Variants in DPP6 observed in about 807,000 individuals in gnomAD.
DPP6 encodes dipeptidyl peptidase like 6.
In DPP6, 69 loss-of-function variants were observed where a neutral mutation model predicts 122.6. The observed-to-expected ratio is 0.56, with a 90% CI of 0.46 to 0.69. The LOEUF (loss-of-function observed/expected upper bound fraction) is 0.69, where lower values mean the gene tolerates loss of function less well. Among genes scored for constraint, DPP6 ranks in the 30% least tolerant of loss-of-function variants. DPP6 has a pLI of 0.00. For synonymous variants in DPP6, 418 were observed against 433.1 expected, an observed-to-expected ratio of 0.97 and a Z score of 0.43; for missense variants, 928 against 1,116.9, an observed-to-expected ratio of 0.83 and a Z score of 2.41.
At chr7:154,839,765 G>A (rs1055916530) in intron 16 of DPP6, among the ~76,000 whole-genome samples, 3 of 152,154 alleles carry the variant, frequency 2.0e-5, no homozygotes, top group Admixed American at 6.5e-5. Flanking sequence ...CAGCCCCCAC[G>A]CAGGAACGAG....
At chr7:154,369,296 T>C (rs1812445481) in intron 1 of DPP6, among the ~76,000 whole-genome samples, 1 of 151,888 alleles carries the variant, frequency 6.6e-6, no homozygotes, top group African/African-American at 2.4e-5. Context: ...GGTTTCACCA[T>C]ACTGATCAGG....
chr7:154,199,328 C>T (rs752248265), intron 1 of DPP6, among the ~76,000 whole-genome samples: 14 of 152,118 alleles, frequency 9.2e-5, no homozygotes, highest in African/African-American at 3.4e-4. Flanking sequence ...CTAAAATGCA[C>T]GTTAATATTG....
intron 2 of DPP6, among the ~76,000 whole-genome samples, chr7:154,467,582 T>C (rs1158206100): frequency 6.6e-6 from 1 of 152,214 alleles, no homozygotes; most frequent in Non-Finnish European, 1.5e-5. Context: ...TGTGAGTCAA[T>C]TAAACCTCGT....
the DPP6 span, among the ~76,000 whole-genome samples, chr7:153,815,642 T>C: frequency 6.6e-6 from 1 of 151,322 alleles, no homozygotes; most frequent in Non-Finnish European, 1.5e-5. Context: ...ACAGAAGAGG[T>C]GACACAAACT....
intron 5 of DPP6, among the ~76,000 whole-genome samples, chr7:154,577,314 C>T (rs985760893): frequency 3.4e-4 from 51 of 152,020 alleles, no homozygotes; most frequent in Non-Finnish European, 6.3e-4. Flanking sequence ...GAGAGGAAGC[C>T]GAGACCCCTG....
the DPP6 span, among the ~76,000 whole-genome samples, chr7:153,878,862 G>A: frequency 6.6e-6 from 1 of 152,014 alleles, no homozygotes. Context: ...AAAAATCTCT[G>A]TGCAGGAATT....
chr7:154,717,982 T>C (rs1841586974), intron 7 of DPP6, among the ~76,000 whole-genome samples: 3 of 152,238 alleles, frequency 2.0e-5, no homozygotes, highest in South Asian at 4.1e-4. Context: ...TTGTTTTCAT[T>C]TGCATTTCTC....
chr7:154,339,938 G>T (rs563313218), intron 1 of DPP6, among the ~76,000 whole-genome samples: 1 of 152,078 alleles, frequency 6.6e-6, no homozygotes. Flanking sequence ...CTGGGCATGG[G>T]TGCACACGCC....
chr7:154,053,292 G>T (rs1381453931), intron 1 of DPP6, among the ~76,000 whole-genome samples: 1 of 151,904 alleles, frequency 6.6e-6, no homozygotes, highest in Non-Finnish European at 1.5e-5. Context: ...TTGGTGGCTG[G>T]AGAGAGCGGG....
At chr7:154,224,784 T>A (rs1167463770) in intron 1 of DPP6, among the ~76,000 whole-genome samples, 2 of 149,408 alleles carry the variant, frequency 1.3e-5, no homozygotes, top group African/African-American at 5.1e-5. Context: ...GCAACACAAT[T>A]TGATGACGTA....
intron 1 of DPP6, among the ~76,000 whole-genome samples, chr7:154,145,348 A>G (rs192477080): frequency 2.7e-3 from 406 of 152,254 alleles, no homozygotes; most frequent in African/African-American, 8.9e-3. Context: ...GCTAAAAGGA[A>G]AGAAAGACCC....
intron 3 of DPP6, among the ~76,000 whole-genome samples, chr7:154,491,131 C>T (rs1015584): frequency 0.25 from 38,492 of 152,120 alleles, 6,061 homozygotes; most frequent in Non-Finnish European, 0.35. Flanking sequence ...CAACTTTCTT[C>T]TCAATGGCTT....
intron 8 of DPP6, among the ~76,000 whole-genome samples, chr7:154,762,081 T>G (rs1379429314): frequency 6.6e-6 from 1 of 152,174 alleles, no homozygotes; most frequent in Non-Finnish European, 1.5e-5. Context: ...AAACCATTTG[T>G]GAGAAATCCA....
At chr7:154,678,271 T>G (rs1265208517) in intron 7 of DPP6, among the ~76,000 whole-genome samples, 2 of 152,196 alleles carry the variant, frequency 1.3e-5, no homozygotes, top group African/African-American at 2.4e-5. Context: ...CCCTTCCACG[T>G]GGAAGCTGTG....
At chr7:154,452,042 C>CCAGAG (rs1820424925) in intron 2 of DPP6, among the ~76,000 whole-genome samples, 1 of 152,222 alleles carries the variant, frequency 6.6e-6, no homozygotes, top group African/African-American at 2.4e-5. Flanking sequence ...GCCACTAGCT[C>CCAGAG]CAGAGCAGTG....
intron 1 of DPP6, among the ~76,000 whole-genome samples, chr7:154,066,533 G>A (rs965538900): frequency 6.6e-5 from 10 of 152,184 alleles, no homozygotes; most frequent in African/African-American, 1.9e-4. Context: ...CTGCCATTGC[G>A]AATGGAGTGA....
the DPP6 span, among the ~76,000 whole-genome samples, chr7:153,856,224 A>G: frequency 6.6e-6 from 1 of 152,204 alleles, no homozygotes; most frequent in African/African-American, 2.4e-5. Flanking sequence ...GGTTACAAAG[A>G]CTACCACAGA....
intron 1 of DPP6, among the ~76,000 whole-genome samples, chr7:154,404,285 A>G (rs1351276625): frequency 6.6e-6 from 1 of 152,254 alleles, no homozygotes; most frequent in Non-Finnish European, 1.5e-5. Context: ...AGCATGTATC[A>G]TGTAAATAAG....
At position 154,592,579 on chromosome 7, in the gene DPP6, G is replaced by A. The variant is rs184004675; in HGVS notation, c.627+25663G>A. On this transcript the variant is annotated intron_variant, in intron 5 of 25. Coordinates refer to ENST00000377770, the MANE Select transcript of DPP6 (RefSeq NM_130797.4). ...GACACGTGCTCCACAGGAAAGTGAC[G>A]TAAGGTAAAGGACAGGGAGCAAAGG... 6.0e-4 allele frequency among the ~76,000 whole-genome samples: 92 copies of A among 152,250 alleles called. No homozygotes were observed. In the South Asian group the frequency reaches 9.1e-3, roughly 15 times the overall value.
Sources: allele counts gnomAD v4.1 joint callset (sites outside exome capture counted in the v4.1 genomes callset), GRCh38; gene constraint gnomAD v4.1.1; transcripts MANE v1.5; gene names NCBI Gene and HGNC (gene_info 2026-07-23, HGNC 2026-07-21).